Variants in ZNRF3 observed in about 807,000 individuals in gnomAD.
ZNRF3 encodes the protein E3 ubiquitin-protein ligase ZNRF3.
In ZNRF3, 23 loss-of-function variants were observed where a neutral mutation model predicts 72.5. That is an observed-to-expected ratio of 0.32 (90% CI 0.23 to 0.45). The LOEUF is 0.45. Ranked by LOEUF, ZNRF3 falls within the 20% of genes least tolerant of loss-of-function variation. The pLI is 1.00. For missense variants in ZNRF3, 1,169 were observed against 1,272.1 expected, an observed-to-expected ratio of 0.92 and a Z score of 1.23; for synonymous variants, 610 against 545.3, an observed-to-expected ratio of 1.12 and a Z score of -1.65.
At chr22:29,015,641 G>A (rs1278065097) in intron 2 of ZNRF3, among the ~76,000 whole-genome samples, 1 of 148,438 alleles carries the variant, frequency 6.7e-6, no homozygotes, top group Non-Finnish European at 1.5e-5. Context: ...CTGCACTCCC[G>A]CCTGGGTGAC....
chr22:28,950,852 C>T (rs548574183), intron 1 of ZNRF3, among the ~76,000 whole-genome samples: 3 of 152,262 alleles, frequency 2.0e-5, no homozygotes, highest in South Asian at 2.1e-4. Flanking sequence ...CATCTAAAGC[C>T]GTAGCTGGGC....
intron 1 of ZNRF3, among the ~76,000 whole-genome samples, chr22:28,985,966 G>A (rs1205975485): frequency 6.6e-6 from 1 of 152,108 alleles, no homozygotes; most frequent in African/African-American, 2.4e-5. Context: ...TTGATTAACG[G>A]CCCCCTCCTC....
intron 1 of ZNRF3, among the ~76,000 whole-genome samples, chr22:28,948,385 C>T (rs974460795): frequency 2.6e-5 from 4 of 151,864 alleles, no homozygotes; most frequent in Admixed American, 1.3e-4. Context: ...AGGGTGGTCT[C>T]GAACTCTTGG....
At chr22:29,022,177 A>G (rs2036553254) in intron 2 of ZNRF3, among the ~76,000 whole-genome samples, 1 of 152,252 alleles carries the variant, frequency 6.6e-6, no homozygotes, top group African/African-American at 2.4e-5. Flanking sequence ...TGTGTATAAC[A>G]GTAGTTCATT....
chr22:29,043,502 G>T, intron 4 of ZNRF3, 72 bp downstream of exon 4: 4 of 1,558,998 alleles, frequency 2.6e-6, no homozygotes, highest in Non-Finnish European at 3.5e-6. Context: ...TTTCCCTTGG[G>T]CTTTCATTCC....
At chr22:28,964,697 T>C (rs1444936911) in intron 1 of ZNRF3, among the ~76,000 whole-genome samples, 1 of 152,224 alleles carries the variant, frequency 6.6e-6, no homozygotes, top group Non-Finnish European at 1.5e-5. Context: ...ACTTCTGTAC[T>C]CCAGCCCCCT....
intron 2 of ZNRF3, among the ~76,000 whole-genome samples, chr22:29,012,823 A>G (rs553291529): frequency 1.3e-5 from 2 of 152,326 alleles, no homozygotes; most frequent in East Asian, 3.9e-4. Context: ...CTGTCCAGAT[A>G]GAATCATCTT....
In ZNRF3 at chr22:29,052,930, C is replaced by G. The variant is rs148091499; in HGVS notation, c.2768-649C>G. 1.5e-4 allele frequency among the ~76,000 whole-genome samples: 23 copies of G among 152,276 alleles called. 1 individual carries two copies. The East Asian group carries it at 3.5e-3, about 23-fold the overall frequency. ...TGAGGCTGTAGTCATGATCTCACCA[C>G]TGCACTTCAGCCTAGGCAACACAGC... On this transcript the variant is annotated intron_variant, in intron 8 of 8. Transcript: ENST00000544604.
chr22:29,055,902 C>G lies in ZNRF3; in HGVS notation c.*2280C>G, dbSNP rs928099865. Reference sequence around the variant, plus strand: ...GCTTTCTTTAGCCCTGGCTGGAAAACCACCTCTCAATAGCCTTAAGCAATA... The same window carrying G: ...GCTTTCTTTAGCCCTGGCTGGAAAAGCACCTCTCAATAGCCTTAAGCAATA... On this transcript the variant is annotated 3_prime_UTR_variant, in exon 9 of 9. Coordinates refer to ENST00000544604, the MANE Select transcript of ZNRF3 (RefSeq NM_001206998.2). 1.1e-4 allele frequency: 17 copies of G among 152,068 alleles called. No homozygotes were observed. The highest frequency in any genetic ancestry group is 4.1e-4 in the African/African-American group (17 of 41,386). 9.4% of individuals were successfully genotyped at this position (152,068 alleles called of 1,614,324 possible). A position where few individuals can be genotyped will look rare whatever the true frequency, so the allele number is the denominator to read the frequency against.
At chr22:29,002,674 G>A (rs1318788230) in intron 2 of ZNRF3, among the ~76,000 whole-genome samples, 4 of 152,214 alleles carry the variant, frequency 2.6e-5, no homozygotes, top group Non-Finnish European at 5.9e-5. Flanking sequence ...GGGGATATAG[G>A]TGTCTTTGTG....
chr22:29,038,495 C>T (rs1275248922), intron 2 of ZNRF3, among the ~76,000 whole-genome samples: 1 of 151,948 alleles, frequency 6.6e-6, no homozygotes, highest in Non-Finnish European at 1.5e-5. Flanking sequence ...ACCATGCCTG[C>T]CTAGTTTTTA....
At chr22:28,980,950 C>G (rs1423227936) in intron 1 of ZNRF3, among the ~76,000 whole-genome samples, 1 of 152,156 alleles carries the variant, frequency 6.6e-6, no homozygotes, top group Non-Finnish European at 1.5e-5. Context: ...ACATAAATGT[C>G]AAGCATCTGA....
At chr22:29,017,917 C>T (rs1253895709) in intron 2 of ZNRF3, 2 of 507,586 alleles carry the variant, frequency 3.9e-6, no homozygotes, top group Middle Eastern at 6.4e-4. Context: ...TGTCCTTAAG[C>T]ATTGAAGCGC....
chr22:28,911,666 G>A (rs2034320264), intron 1 of ZNRF3, among the ~76,000 whole-genome samples: 1 of 142,614 alleles, frequency 7.0e-6, no homozygotes, highest in Admixed American at 7.5e-5. Flanking sequence ...ATTTGACCTT[G>A]GTTAGCACTT....
chr22:28,909,878 C>T (rs2034284638), intron 1 of ZNRF3, among the ~76,000 whole-genome samples: 6 of 151,394 alleles, frequency 4.0e-5, no homozygotes, highest in Admixed American at 4.0e-4. Flanking sequence ...CAGGTGTGAG[C>T]CACCATGGCT....
intron 1 of ZNRF3, among the ~76,000 whole-genome samples, chr22:28,919,042 C>G (rs938843060): frequency 6.6e-6 from 1 of 152,146 alleles, no homozygotes; most frequent in East Asian, 1.9e-4. Flanking sequence ...AGAAATGAGA[C>G]GGAACAAAGC....
intron 1 of ZNRF3, among the ~76,000 whole-genome samples, chr22:28,915,060 G>C (rs2034385622): frequency 6.6e-6 from 1 of 152,174 alleles, no homozygotes; most frequent in African/African-American, 2.4e-5. Context: ...TCCTTACACT[G>C]AACCAAATTT....
chr22:28,888,362 A>C (rs1449913488), intron 1 of ZNRF3, among the ~76,000 whole-genome samples: 1 of 152,184 alleles, frequency 6.6e-6, no homozygotes, highest in African/African-American at 2.4e-5. Flanking sequence ...TGCCTCTAAA[A>C]ATTGACTTGG....
chr22:28,960,175 C>A (rs1355810010), intron 1 of ZNRF3, among the ~76,000 whole-genome samples: 4 of 152,154 alleles, frequency 2.6e-5, no homozygotes, highest in Non-Finnish European at 5.9e-5. Flanking sequence ...TGTTAAAAAA[C>A]CAGAGTCTGG....
Sources: allele counts gnomAD v4.1 joint callset (sites outside exome capture counted in the v4.1 genomes callset), GRCh38; gene constraint gnomAD v4.1.1; transcripts MANE v1.5; gene names NCBI Gene and HGNC (gene_info 2026-07-23, HGNC 2026-07-21).